EIPR1: variants seen among roughly 807,000 people sequenced by gnomAD.
EIPR1 encodes EARP complex and GARP complex interacting protein 1.
Under a neutral mutation model 48.1 loss-of-function variants are expected in EIPR1, and 25 were observed. The ratio of observed to expected loss-of-function variants is 0.52; its 90% CI spans 0.38 to 0.73. The LOEUF is 0.73. EIPR1 is among the 30% of genes least tolerant of loss of function. The pLI is 0.00. For synonymous variants in EIPR1, 204 were observed against 201.9 expected (o/e 1.01, Z -0.09); for missense variants, 415 against 506.2 (o/e 0.82, Z 1.73).
chr2:3,250,223 G>A (rs1383485956), intron 4 of EIPR1, among the ~76,000 whole-genome samples: 2 of 152,220 alleles, frequency 1.3e-5, no homozygotes, highest in Non-Finnish European at 1.5e-5. Context: ...GGCAGCCATG[G>A]GGACAGCTGG....
chr2:3,349,693 T>G lies in EIPR1; in HGVS notation c.126+4857A>C, dbSNP rs992260118. 9.5e-4 allele frequency among the ~76,000 whole-genome samples: 126 copies of G among 132,220 alleles called. 1 individual carries two copies. Among genetic ancestry groups the G allele is most frequent in the African/African-American group, 3.2e-3 (109 of 34,364 alleles). The allele number at this position is 132,220 out of a possible 152,430, so 86.7% of individuals were successfully genotyped here. On this transcript the variant is annotated intron_variant, in intron 2 of 8. Transcript: ENST00000382125. ...GGAGATGGGGACAGGGAGGACGCTG[T>G]GAGATGGGGACAGGGAGCATGCTGG...
rs114499626 is a variant in EIPR1 at position 3,264,372 on chromosome 2, C to T, written c.260-6917G>A. Among the ~76,000 whole-genome samples the T allele has an allele frequency of 5.3e-3, 811 of 152,272 alleles. 9 individuals are homozygous for T. The highest frequency in any genetic ancestry group is 0.019 in the African/African-American group (772 of 41,570). ...TACCATGTTTCTTTATCCGTTCATC[C>T]GGCTCATTAGCACTGATGGATAGGC... On this transcript the variant is annotated intron_variant, in intron 3 of 8. Transcript: ENST00000382125.
chr2:3,356,188 A>G (rs555831089), intron 1 of EIPR1, among the ~76,000 whole-genome samples: 1 of 152,294 alleles, frequency 6.6e-6, no homozygotes, highest in East Asian at 1.9e-4. Flanking sequence ...CCCTACCCCC[A>G]TGGGTCAGTC....
At chr2:3,194,281 T>A in intron 6 of EIPR1, 115 bp from the exon 7 acceptor site, 3 of 1,341,828 alleles carry the variant, frequency 2.2e-6, no homozygotes, top group Non-Finnish European at 3.1e-6. Context: ...CGGCCCAGGG[T>A]GCTCTCATCC....
intron 4 of EIPR1, among the ~76,000 whole-genome samples, chr2:3,249,305 T>C (rs1306522897): frequency 6.6e-6 from 1 of 152,238 alleles, no homozygotes; most frequent in Admixed American, 6.5e-5. Context: ...GTTAATGCCT[T>C]AGCAAAGAGC....
intron 4 of EIPR1, among the ~76,000 whole-genome samples, chr2:3,230,616 T>A (rs1032443579): frequency 6.6e-6 from 1 of 152,242 alleles, no homozygotes; most frequent in Non-Finnish European, 1.5e-5. Flanking sequence ...GACTATCTTT[T>A]TCCCATTGTG....
chr2:3,356,906 A>G (rs1318558627), intron 1 of EIPR1, among the ~76,000 whole-genome samples: 1 of 152,224 alleles, frequency 6.6e-6, no homozygotes, highest in Non-Finnish European at 1.5e-5. Context: ...CAGAGGCTAC[A>G]CCCTTTGCAA....
At chr2:3,372,778 C>T (rs1659713692) in intron 1 of EIPR1, among the ~76,000 whole-genome samples, 4 of 152,204 alleles carry the variant, frequency 2.6e-5, no homozygotes, top group Admixed American at 2.0e-4. Flanking sequence ...CAGATGGATT[C>T]ACAGCCGAAT....
intron 8 of EIPR1, among the ~76,000 whole-genome samples, chr2:3,190,065 T>C (rs544138870): frequency 5.9e-5 from 9 of 152,052 alleles, no homozygotes; most frequent in Non-Finnish European, 1.3e-4. Context: ...GCCCTGGCCC[T>C]GTGGGAGCAG....
intron 5 of EIPR1, among the ~76,000 whole-genome samples, chr2:3,201,079 C>T (rs548894846): frequency 2.6e-5 from 4 of 152,336 alleles, no homozygotes; most frequent in African/African-American, 9.6e-5. Context: ...GGCTTTGGGG[C>T]TGCCGAGCCC....
intron 4 of EIPR1, among the ~76,000 whole-genome samples, chr2:3,251,441 G>A (rs753721305): frequency 2.6e-5 from 4 of 152,090 alleles, no homozygotes; most frequent in African/African-American, 9.7e-5. Flanking sequence ...TCTAATAAAC[G>A]TAGAACTGGA....
intron 4 of EIPR1, among the ~76,000 whole-genome samples, chr2:3,241,037 T>G (rs1216063628): frequency 7.7e-6 from 1 of 129,390 alleles, no homozygotes; most frequent in Non-Finnish European, 1.7e-5. Context: ...CAGCAGATCC[T>G]TCCTAAAGCA....
chr2:3,205,579 T>C (rs1380563738), intron 5 of EIPR1, among the ~76,000 whole-genome samples: 1 of 152,254 alleles, frequency 6.6e-6, no homozygotes. Flanking sequence ...TTCCTCATTG[T>C]TTAAGTCATT....
intron 8 of EIPR1, among the ~76,000 whole-genome samples, chr2:3,190,185 A>T (rs1157409057): frequency 6.6e-6 from 1 of 152,126 alleles, no homozygotes; most frequent in Non-Finnish European, 1.5e-5. Context: ...CACAAGAAGC[A>T]CCACTTCCTC....
At chr2:3,210,835 C>T (rs1665423325) in intron 5 of EIPR1, among the ~76,000 whole-genome samples, 1 of 152,056 alleles carries the variant, frequency 6.6e-6, no homozygotes, top group Non-Finnish European at 1.5e-5. Flanking sequence ...GACGGGGTTT[C>T]ACCACGTTGG....
rs545543873 is a variant in EIPR1, at chr2:3,245,145, C to CTTATT, written c.416+12149_416+12153dup. On this transcript the variant is annotated intron_variant, in intron 4 of 8. Transcript: ENST00000382125. The stretch of plus-strand genomic sequence containing the variant: ...GCAAGGGAGACTCTGATAACCATTC[C>CTTATT]TTATTTTATTTTATTTTATTTATTT... 5.3e-5 allele frequency among the ~76,000 whole-genome samples: 8 copies of CTTATT among 151,896 alleles called. No homozygotes were observed. In the South Asian group the frequency reaches 1.3e-3, roughly 24 times the overall value.
chr2:3,285,056 G>A (rs1422611003), intron 3 of EIPR1, among the ~76,000 whole-genome samples: 1 of 152,164 alleles, frequency 6.6e-6, no homozygotes, highest in Non-Finnish European at 1.5e-5. Context: ...AAATACACAG[G>A]GACACGTCAG....
intron 5 of EIPR1, among the ~76,000 whole-genome samples, chr2:3,213,594 T>C (rs1160456191): frequency 6.6e-6 from 1 of 152,208 alleles, no homozygotes; most frequent in African/African-American, 2.4e-5. Flanking sequence ...CTTGAAACGG[T>C]AGAAAATACT....
intron 3 of EIPR1, among the ~76,000 whole-genome samples, chr2:3,276,690 A>G (rs1667858856): frequency 6.6e-6 from 1 of 152,224 alleles, no homozygotes; most frequent in African/African-American, 2.4e-5. Context: ...CATCCCTAGA[A>G]TTATGCTAGG....
Sources: allele counts gnomAD v4.1 joint callset (sites outside exome capture counted in the v4.1 genomes callset), GRCh38; gene constraint gnomAD v4.1.1; transcripts MANE v1.5; gene names NCBI Gene and HGNC (gene_info 2026-07-23, HGNC 2026-07-21).